The following CCDC182 variants were observed in gnomAD, a reference collection of about 807,000 sequenced individuals.
CCDC182 encodes coiled-coil domain-containing protein 182.
In CCDC182, 1 loss-of-function variant was observed where a neutral mutation model predicts 4.6. The observed-to-expected ratio is 0.22, with a 90% confidence interval of 0.08 to 1.02. The LOEUF (loss-of-function observed/expected upper bound fraction) is 1.02, where lower values mean the gene tolerates loss of function less well. Among genes scored for constraint, CCDC182 ranks in the 50% least tolerant of loss-of-function variants. The pLI is 0.58. For missense variants in CCDC182, 209 were observed against 196.8 expected, an observed-to-expected ratio of 1.06 and a Z score of -0.37; for synonymous variants, 82 against 83.9, an observed-to-expected ratio of 0.98 and a Z score of 0.12.
At position 57,744,799 on chromosome 17, in the gene CCDC182, C is replaced by T; in HGVS notation, c.*12G>A. On this transcript the variant is annotated 3_prime_UTR_variant, in exon 1 of 1. Coordinates refer to ENST00000299415, the MANE Select transcript of CCDC182 (RefSeq NM_001282544.2). Reference sequence around the variant, plus strand: ...CTTCAACTTGGTGCTTGGCTAGTGCCACCCACGAGGTTCAGTCAGCCTGGC... The same window carrying T: ...CTTCAACTTGGTGCTTGGCTAGTGCTACCCACGAGGTTCAGTCAGCCTGGC... 4.0e-6 allele frequency: 6 copies of T among 1,509,776 alleles called. No individual in the cohort carries two copies. Among genetic ancestry groups the T allele is most frequent in the Non-Finnish European group, 5.4e-6 (6 of 1,118,116 alleles). The allele number at this position is 1,509,776 out of a possible 1,614,324, so 93.5% of individuals were successfully genotyped here. A position where few individuals can be genotyped will look rare whatever the true frequency, so the allele number is the denominator to read the frequency against.
Position 57,745,179 on chromosome 17 carries a change from A to G in CCDC182, c.94T>C (p.Phe32Leu). The change falls in exon 1 of 1, where the codon TTT becomes CTT. Residue 32 changes from phenylalanine to leucine, a missense_variant. Transcript: ENST00000299415. Reference sequence around the variant, plus strand: ...GAGGGCCATGACTGGGACAGGGAAAAGTCTCCAGACTGGAGGCCACTCTCT... The same window carrying G: ...GAGGGCCATGACTGGGACAGGGAAAGGTCTCCAGACTGGAGGCCACTCTCT... ...MIESGLQSGD[F>L]SLSQSWPSCL... The G allele has an allele frequency of 6.4e-7, 1 of 1,550,558 alleles. No homozygotes were observed.
chr17:57,745,109 A>G lies in CCDC182; in HGVS notation c.164T>C (p.Val55Ala). ...CTCCAGTTCCCGTTGCACCCCGGCCACCTTCTGCTGCAGGATCTCCAAGTC... is the reference window on the plus strand; with the variant it reads ...CTCCAGTTCCCGTTGCACCCCGGCCGCCTTCTGCTGCAGGATCTCCAAGTC... Reference protein sequence around the residue: ...PADLEILQQKVAGVQRELEDF... With the variant: ...PADLEILQQKAAGVQRELEDF... The change falls in exon 1 of 1, where the codon GTG becomes GCG. Residue 55 changes from valine to alanine, a missense_variant. Physicochemically the swap from Val to Ala is moderately conservative, Grantham distance 64. Transcript: ENST00000299415. The G allele has an allele frequency of 1.9e-6, 3 of 1,550,604 alleles. No homozygotes were observed. The highest frequency in any genetic ancestry group is 1.7e-6 in the Non-Finnish European group (2 of 1,146,922).
rs762312634 is a variant in CCDC182 at position 57,744,698 on chromosome 17, G to A, written c.*113C>T. The A allele has an allele frequency of 9.5e-5, 66 of 695,230 alleles. No homozygotes were observed. The highest frequency in any genetic ancestry group is 1.5e-4 in the Non-Finnish European group (62 of 412,168). 43.1% of individuals were successfully genotyped at this position (695,230 alleles called of 1,614,324 possible). A position where few individuals can be genotyped will look rare whatever the true frequency, so the allele number is the denominator to read the frequency against. On this transcript the variant is annotated 3_prime_UTR_variant, in exon 1 of 1. Transcript: ENST00000299415. ...CTCTCAGCAAGGTGTTATTTAGGCA[G>A]AAGGAAAGCAATGGAAATGAGGAAG...
In CCDC182 at chr17:57,745,284, C is replaced by A. The variant is rs769503189; in HGVS notation, c.-12G>T. On this transcript the variant is annotated 5_prime_UTR_variant, in exon 1 of 1. Transcript: ENST00000299415. ...TAGAGGGGTTCCATTGTCTCTTCTA[C>A]GTTGGACAAAGAGAGGAAGCCAAGA... is the stretch of plus-strand genomic sequence containing the variant. The A allele has an allele frequency of 6.6e-7, 1 of 1,516,222 alleles. No homozygotes were observed. Among genetic ancestry groups the A allele is most frequent in the Non-Finnish European group, 8.9e-7 (1 of 1,124,690 alleles). 93.9% of individuals were successfully genotyped at this position (1,516,222 alleles called of 1,614,324 possible).
At position 57,744,747 on chromosome 17, in the gene CCDC182, G is replaced by A. The variant is rs922009713; in HGVS notation, c.*64C>T. ...AGGGAAAGCAAGGGGGTAGGGACTT[G>A]GGGTTTCTCCTTCCGTTAAAAAAAA... On this transcript the variant is annotated 3_prime_UTR_variant, in exon 1 of 1. Transcript: ENST00000299415. 2.8e-6 allele frequency: 3 copies of A among 1,077,278 alleles called. No individual in the cohort carries two copies. Among genetic ancestry groups the A allele is most frequent in the Non-Finnish European group, 4.0e-6 (3 of 746,420 alleles). The allele number at this position is 1,077,278 out of a possible 1,614,324, so 66.7% of individuals were successfully genotyped here.
At position 57,744,655 on chromosome 17, in the gene CCDC182, AT is replaced by A. The variant is rs2073267909; in HGVS notation, c.*155del. On this transcript the variant is annotated 3_prime_UTR_variant, in exon 1 of 1. Transcript: ENST00000299415. ...GATAAATGGAATTTCACCAAAAAAA[AT>A]ATTGAAGTCTTTTTGCCTCTCAGCA... The A allele has an allele frequency of 1.6e-6, 1 of 610,818 alleles. No individual in the cohort carries two copies. The highest frequency in any genetic ancestry group is 2.9e-6 in the Non-Finnish European group (1 of 344,012). 37.8% of individuals were successfully genotyped at this position (610,818 alleles called of 1,614,324 possible).
rs189581723 is a variant in CCDC182, at chr17:57,744,585, G to A, written c.*226C>T. 5 of 511,292 alleles carry A rather than the reference G, an allele frequency of 9.8e-6. No individual in the cohort carries two copies. Among genetic ancestry groups the A allele is most frequent in the African/African-American group, 9.4e-5 (5 of 53,028 alleles). The allele number at this position is 511,292 out of a possible 1,614,324, so 31.7% of individuals were successfully genotyped here. A position where few individuals can be genotyped will look rare whatever the true frequency, so the allele number is the denominator to read the frequency against. On this transcript the variant is annotated 3_prime_UTR_variant, in exon 1 of 1. Transcript: ENST00000299415. ...GAAAACAGTTCAAGTGAAAGTTACAGGGGCCTGACTCAGTACTGGGGTGCC... is the reference window on the plus strand; with the variant it reads ...GAAAACAGTTCAAGTGAAAGTTACAAGGGCCTGACTCAGTACTGGGGTGCC...
chr17:57,745,291 CAA>C lies in CCDC182; in HGVS notation c.-21_-20del. On this transcript the variant is annotated 5_prime_UTR_variant, in exon 1 of 1. Coordinates refer to ENST00000299415, the MANE Select transcript of CCDC182 (RefSeq NM_001282544.2). Reference sequence around the variant, plus strand: ...GTTCCATTGTCTCTTCTACGTTGGACAAAGAGAGGAAGCCAAGAGACCAACCA... The same window carrying C: ...GTTCCATTGTCTCTTCTACGTTGGACAGAGAGGAAGCCAAGAGACCAACCA... 1 of 1,501,708 alleles carries C rather than the reference CAA, an allele frequency of 6.7e-7. No individual in the cohort carries two copies. The highest frequency in any genetic ancestry group is 9.0e-7 in the Non-Finnish European group (1 of 1,115,152). The allele number at this position is 1,501,708 out of a possible 1,614,324, so 93.0% of individuals were successfully genotyped here.
At position 57,744,870 on chromosome 17, in the gene CCDC182, G is replaced by A; in HGVS notation, c.403C>T (p.Leu135=). ...LREHCKRLED[L]LLDRGRDALR... is the part of the protein sequence containing the mutation. ...GCGTCACGTCCCCTGTCCAGCAGCA[G>A]GTCCTCCAGCCGCTTGCAGTGCTCC... The change falls in exon 1 of 1, where the codon CTG becomes TTG. Residue 135 remains leucine (L), a synonymous_variant. Transcript: ENST00000299415. The A allele has an allele frequency of 1.3e-6, 2 of 1,550,312 alleles. No individual in the cohort carries two copies. The highest frequency in any genetic ancestry group is 1.7e-6 in the Non-Finnish European group (2 of 1,146,846).
Position 57,744,865 on chromosome 17 carries a change from C to G in CCDC182, c.408G>C (p.Leu136=). 6.5e-7 allele frequency: 1 copy of G among 1,550,128 alleles called. No homozygotes were observed. The highest frequency in any genetic ancestry group is 8.7e-7 in the Non-Finnish European group (1 of 1,146,726). ...GCAGGGCGTCACGTCCCCTGTCCAG[C>G]AGCAGGTCCTCCAGCCGCTTGCAGT... is the stretch of plus-strand genomic sequence containing the variant. The part of the protein sequence containing the change: ...REHCKRLEDL[L]LDRGRDALRA... Residue 136 remains leucine (L), a synonymous_variant, in exon 1 of 1, where the codon CTG becomes CTC. Coordinates refer to ENST00000299415, the MANE Select transcript of CCDC182 (RefSeq NM_001282544.2).
Position 57,744,918 on chromosome 17 carries a change from A to G in CCDC182, c.355T>C (p.Leu119=). The change falls in exon 1 of 1, where the codon TTG becomes CTG. Residue 119 remains leucine (L), a synonymous_variant. Coordinates refer to ENST00000299415, the MANE Select transcript of CCDC182 (RefSeq NM_001282544.2). The part of the protein sequence containing the change: ...IVRNKVLTFL[L]PREKQLREHC... ...TCCCGGAGCTGTTTCTCGCGCGGCA[A>G]CAGGAAGGTGAGAACCTTGTTGCGC... The G allele has an allele frequency of 1.3e-6, 2 of 1,550,644 alleles. No individual in the cohort carries two copies. The highest frequency in any genetic ancestry group is 1.7e-6 in the Non-Finnish European group (2 of 1,147,004).
rs116619472 is a variant in CCDC182 at position 57,744,987 on chromosome 17, G to T, written c.286C>A (p.Arg96Ser). Reference protein sequence around the residue: ...ALVQQEEQAARVRQRLREEED... With the variant: ...ALVQQEEQAASVRQRLREEED... Reference sequence around the variant, plus strand: ...TCCTCCCTTAGCCGCTGCCTCACGCGAGCCGCCTGCTCCTCCTGTTGCACC... The same window carrying T: ...TCCTCCCTTAGCCGCTGCCTCACGCTAGCCGCCTGCTCCTCCTGTTGCACC... Residue 96 changes from arginine (R) to serine (S), a missense_variant, in exon 1 of 1, where the codon CGC becomes AGC. By Grantham distance (110) the Arg-to-Ser change is moderately radical (BLOSUM62 -1). Transcript: ENST00000299415. 1.8e-3 allele frequency: 2,732 copies of T among 1,550,826 alleles called. 30 individuals carry two copies. In the African/African-American group the frequency reaches 0.031, roughly 17 times the overall value.
chr17:57,745,157 G>A lies in CCDC182; in HGVS notation c.116C>T (p.Pro39Leu). 1 of 1,550,658 alleles carries A rather than the reference G, an allele frequency of 6.4e-7. No individual in the cohort carries two copies. The highest frequency in any genetic ancestry group is 8.7e-7 in the Non-Finnish European group (1 of 1,147,000). ...GTCAGCGGGTGGTGGGAGGCAGGAG[G>A]GCCATGACTGGGACAGGGAAAAGTC... ...SGDFSLSQSWPSCLPPPADLE... is the reference protein window; with the variant it reads ...SGDFSLSQSWLSCLPPPADLE... Residue 39 changes from proline to leucine, a missense_variant, in exon 1 of 1, where the codon CCC (proline) becomes CTC (leucine). Physicochemically the swap from Pro to Leu is moderately conservative, Grantham distance 98. Transcript: ENST00000299415.
chr17:57,745,175 G>T lies in CCDC182; in HGVS notation c.98C>A (p.Ser33Tyr). Residue 33 changes from serine to tyrosine, a missense_variant, in exon 1 of 1, where the codon TCC becomes TAC. Coordinates refer to ENST00000299415, the MANE Select transcript of CCDC182 (RefSeq NM_001282544.2). Reference protein sequence around the residue: ...IESGLQSGDFSLSQSWPSCLP... With the variant: ...IESGLQSGDFYLSQSWPSCLP... ...GCAGGAGGGCCATGACTGGGACAGGGAAAAGTCTCCAGACTGGAGGCCACT... is the reference window on the plus strand; with the variant it reads ...GCAGGAGGGCCATGACTGGGACAGGTAAAAGTCTCCAGACTGGAGGCCACT... 6.4e-7 allele frequency: 1 copy of T among 1,550,626 alleles called. No individual in the cohort carries two copies. Among genetic ancestry groups the T allele is most frequent in the Non-Finnish European group, 8.7e-7 (1 of 1,146,976 alleles).
rs1479709009 is a variant in CCDC182, at chr17:57,745,207, C to CTA, written c.65_66insTA (p.Met22IlefsTer3). On this transcript the variant is annotated frameshift_variant, in exon 1 of 1. Coordinates refer to ENST00000299415, the MANE Select transcript of CCDC182 (RefSeq NM_001282544.2). LOFTEE classifies it high-confidence loss of function. ...CTCCAGACTGGAGGCCACTCTCTAT[C>CTA]ATTTTTTTCCCCTGTAGGGTATTCA... is the stretch of plus-strand genomic sequence containing the variant. 14 of 1,550,424 alleles carry CTA rather than the reference C, an allele frequency of 9.0e-6. No homozygotes were observed. Among genetic ancestry groups the CTA allele is most frequent in the Non-Finnish European group, 1.2e-5 (14 of 1,146,888 alleles).
At position 57,744,772 on chromosome 17, in the gene CCDC182, A is replaced by C; in HGVS notation, c.*39T>G. 7.2e-7 allele frequency: 1 copy of C among 1,379,444 alleles called. No homozygotes were observed. The highest frequency in any genetic ancestry group is 9.8e-7 in the Non-Finnish European group (1 of 1,017,120). 85.5% of individuals were successfully genotyped at this position (1,379,444 alleles called of 1,614,324 possible). ...GGGGTTTCTCCTTCCGTTAAAAAAA[A>C]TCTTCAACTTGGTGCTTGGCTAGTG... On this transcript the variant is annotated 3_prime_UTR_variant, in exon 1 of 1. Transcript: ENST00000299415.
chr17:57,745,083 C>T lies in CCDC182; in HGVS notation c.190G>A (p.Asp64Asn). 5 of 1,550,936 alleles carry T rather than the reference C, an allele frequency of 3.2e-6. No homozygotes were observed. The highest frequency in any genetic ancestry group is 4.4e-6 in the Non-Finnish European group (5 of 1,147,058). The change falls in exon 1 of 1, where the codon GAC (aspartate) becomes AAC (asparagine). Residue 64 changes from aspartate (D) to asparagine (N), a missense_variant. Transcript: ENST00000299415. ...KVAGVQRELE[D>N]FKKEALKSIH... The stretch of plus-strand genomic sequence containing the variant: ...GACTTCAATGCCTCTTTCTTAAAGT[C>T]CTCCAGTTCCCGTTGCACCCCGGCC...
At position 57,744,953 on chromosome 17, in the gene CCDC182, C is replaced by G. The variant is rs2073270586; in HGVS notation, c.320G>C (p.Arg107Pro). The G allele has an allele frequency of 6.4e-7, 1 of 1,550,728 alleles. No individual in the cohort carries two copies. Among genetic ancestry groups the G allele is most frequent in the South Asian group, 1.2e-5 (1 of 84,064 alleles). ...GAGAACCTTGTTGCGCACGATGCCA[C>G]GGTCCTCCTCCTCCCTTAGCCGCTG... ...VRQRLREEED[R>P]GIVRNKVLTF... is the part of the protein sequence containing the mutation. Residue 107 changes from arginine (R) to proline (P), a missense_variant, in exon 1 of 1, where the codon CGT becomes CCT. Physicochemically the swap from Arg to Pro is moderately radical, Grantham distance 103. Coordinates refer to ENST00000299415, the MANE Select transcript of CCDC182 (RefSeq NM_001282544.2).
rs1238398605 is a variant in CCDC182 at position 57,744,897 on chromosome 17, G to A, written c.376C>T (p.Arg126Trp). 2.6e-5 allele frequency: 40 copies of A among 1,550,444 alleles called. No homozygotes were observed. Among genetic ancestry groups the A allele is most frequent in the South Asian group, 1.9e-4 (16 of 84,054 alleles). The change falls in exon 1 of 1, where the codon CGG (arginine) becomes TGG (tryptophan). Residue 126 changes from arginine to tryptophan, a missense_variant. Transcript: ENST00000299415. ...TCCTCCAGCCGCTTGCAGTGCTCCC[G>A]GAGCTGTTTCTCGCGCGGCAACAGG... ...TFLLPREKQLREHCKRLEDLL... is the reference protein window; with the variant it reads ...TFLLPREKQLWEHCKRLEDLL...
Sources: allele counts gnomAD v4.1 joint callset, GRCh38; gene constraint gnomAD v4.1.1; transcripts MANE v1.5; gene names NCBI Gene and HGNC (gene_info 2026-07-23, HGNC 2026-07-21).